The following FAT1 variants were observed in gnomAD, a reference collection of about 807,000 sequenced individuals.
FAT1 encodes the protein FAT atypical cadherin 1, also known as protocadherin Fat 1.
FAT1 carries 171 observed loss-of-function variants against 329.8 expected under a neutral mutation model. The ratio of observed to expected loss-of-function variants is 0.52; its 90% CI spans 0.46 to 0.59. The LOEUF is 0.59. FAT1 is among the 20% of genes least tolerant of loss of function. FAT1 has a pLI of 0.00. For synonymous variants in FAT1, 2,233 were observed against 2,228.6 expected, an observed-to-expected ratio of 1.00 and a Z score of -0.06; for missense variants, 5,672 against 5,774.4, an observed-to-expected ratio of 0.98 and a Z score of 0.57.
rs1740802220 is a variant in FAT1 at position 186,636,083 on chromosome 4, G to A, written c.4125C>T (p.His1375=). 1 of 1,614,008 alleles carries A rather than the reference G, an allele frequency of 6.2e-7. No individual in the cohort carries two copies. The highest frequency in any genetic ancestry group is 8.5e-7 in the Non-Finnish European group (1 of 1,179,900). Residue 1375 remains histidine (H), a synonymous_variant, in exon 6 of 27, where the codon CAC becomes CAT. Transcript: ENST00000441802. ...FTVMESDPVA[H]MIGVISVEPP... Reference sequence around the variant, plus strand: ...GCTCCACAGATATTACTCCAATCATGTGAGCAACGGGGTCACTTTCCATCA... The same window carrying A: ...GCTCCACAGATATTACTCCAATCATATGAGCAACGGGGTCACTTTCCATCA...
intron 3 of FAT1, among the ~76,000 whole-genome samples, chr4:186,658,997 G>C (rs1211612201): frequency 6.6e-6 from 1 of 152,226 alleles, no homozygotes; most frequent in African/African-American, 2.4e-5. Flanking sequence ...GCATAACGAC[G>C]TGTCAGTTAA....
intron 2 of FAT1, among the ~76,000 whole-genome samples, chr4:186,674,593 A>G (rs575722337): frequency 6.6e-6 from 1 of 152,364 alleles, no homozygotes; most frequent in East Asian, 1.9e-4. Flanking sequence ...TATAACAACT[A>G]AAGGAAGGCC....
intron 3 of FAT1, among the ~76,000 whole-genome samples, chr4:186,640,912 C>G (rs982424052): frequency 7.2e-5 from 11 of 152,216 alleles, no homozygotes; most frequent in Non-Finnish European, 1.6e-4. Flanking sequence ...CCAGGTGGAG[C>G]CTGTGTGGCA....
chr4:186,636,785 C>T lies in FAT1; in HGVS notation c.3772G>A (p.Glu1258Lys), dbSNP rs2126564351. 4 of 1,613,928 alleles carry T rather than the reference C, an allele frequency of 2.5e-6. No individual in the cohort carries two copies. The highest frequency in any genetic ancestry group is 3.4e-6 in the Non-Finnish European group (4 of 1,179,886). Reference protein sequence around the residue: ...KFYKIRLPEREKPDRERNARR... With the variant: ...KFYKIRLPERKKPDRERNARR... Reference sequence around the variant, plus strand: ...GCATTTCTTTCTCGGTCTGGCTTTTCCCGCTCAGGGAGTCTGATTTTGTAG... The same window carrying T: ...GCATTTCTTTCTCGGTCTGGCTTTTTCCGCTCAGGGAGTCTGATTTTGTAG... Residue 1258 changes from glutamate to lysine, a missense_variant, in exon 5 of 27, where the codon GAA (glutamate) becomes AAA (lysine). By Grantham distance (56) the Glu-to-Lys change is moderately conservative. Coordinates refer to ENST00000441802, the MANE Select transcript of FAT1 (RefSeq NM_005245.4).
chr4:186,610,654 A>AATATTAATTTATATAATTT (rs1560931729), intron 14 of FAT1, among the ~76,000 whole-genome samples: 7 of 89,184 alleles, frequency 7.8e-5, no homozygotes, highest in Non-Finnish European at 1.5e-4. Flanking sequence ...AATTTATATA[A>AATATTAATTTATATAATTT]ATATAAATTA....
chr4:186,673,148 T>C (rs1308061040), intron 2 of FAT1, among the ~76,000 whole-genome samples: 2 of 152,200 alleles, frequency 1.3e-5, no homozygotes, highest in Non-Finnish European at 2.9e-5. Flanking sequence ...TACACAATTA[T>C]ATGTGCAGAG....
At chr4:186,648,976 A>T (rs770792736) in intron 3 of FAT1, among the ~76,000 whole-genome samples, 17 of 152,202 alleles carry the variant, frequency 1.1e-4, no homozygotes, top group Non-Finnish European at 1.9e-4. Flanking sequence ...TCTGGAACAA[A>T]GCATATTATC....
At chr4:186,705,126 G>C (rs1160698700) in intron 2 of FAT1, among the ~76,000 whole-genome samples, 1 of 85,388 alleles carries the variant, frequency 1.2e-5, no homozygotes, top group East Asian at 3.3e-4. Flanking sequence ...TTTTTTTTTT[G>C]GTAGGAACGA....
chr4:186,625,942 C>A (rs1488634917), intron 9 of FAT1, among the ~76,000 whole-genome samples: 1 of 152,104 alleles, frequency 6.6e-6, no homozygotes, highest in Non-Finnish European at 1.5e-5. Context: ...GCTTCACCAG[C>A]CCACAGAATG....
Position 186,707,059 on chromosome 4 carries a change from G to A in FAT1, c.2769C>T (p.Asn923=), listed in dbSNP as rs2126685218. The A allele has an allele frequency of 6.2e-7, 1 of 1,613,954 alleles. No individual in the cohort carries two copies. Among genetic ancestry groups the A allele is most frequent in the Non-Finnish European group, 8.5e-7 (1 of 1,179,882 alleles). Reference sequence around the variant, plus strand: ...AATTAGGTGGAATAAATGTAGGTGGGTTGTCATTAACATCTTCTAGTGATA... The same window carrying A: ...AATTAGGTGGAATAAATGTAGGTGGATTGTCATTAACATCTTCTAGTGATA... The part of the protein sequence containing the change: ...VKVSLEDVND[N]PPTFIPPNYR... Residue 923 remains asparagine, a synonymous_variant, in exon 2 of 27, where the codon AAC becomes AAT. Transcript: ENST00000441802.
intron 3 of FAT1, among the ~76,000 whole-genome samples, chr4:186,653,880 C>A (rs967845541): frequency 6.6e-6 from 1 of 152,064 alleles, no homozygotes; most frequent in Admixed American, 6.6e-5. Flanking sequence ...GTTTGATGAC[C>A]CCTGCGGTAC....
intron 2 of FAT1, among the ~76,000 whole-genome samples, chr4:186,702,126 T>G (rs952402058): frequency 2.6e-5 from 4 of 152,186 alleles, no homozygotes; most frequent in African/African-American, 9.7e-5. Flanking sequence ...TCCACACAGG[T>G]GACACAGGGA....
chr4:186,708,246 C>T lies in FAT1; in HGVS notation c.1582G>A (p.Glu528Lys), dbSNP rs1018407179. ...AGAGTATAAACCCGAGGCATCAGTT[C>T]GTAGTCCAGGTTTTCTGACGTACTC... ...AVSTSENLDY[E>K]LMPRVYTLRI... Residue 528 changes from glutamate to lysine, a missense_variant, in exon 2 of 27, where the codon GAA (glutamate) becomes AAA (lysine). Transcript: ENST00000441802. 3 of 1,613,988 alleles carry T rather than the reference C, an allele frequency of 1.9e-6. No homozygotes were observed. The highest frequency in any genetic ancestry group is 2.2e-5 in the South Asian group (2 of 91,074).
At position 186,646,004 on chromosome 4, in the gene FAT1, C is replaced by CACACACAT. The variant is rs1491403367; in HGVS notation, c.3581-6222_3581-6221insATGTGTGT. 1.9e-3 allele frequency among the ~76,000 whole-genome samples: 261 copies of CACACACAT among 134,986 alleles called. 2 individuals carry two copies. Among genetic ancestry groups the CACACACAT allele is most frequent in the African/African-American group, 6.1e-3 (216 of 35,566 alleles). The allele number at this position is 134,986 out of a possible 152,430, so 88.6% of individuals were successfully genotyped here. On this transcript the variant is annotated intron_variant, in intron 3 of 26. Coordinates refer to ENST00000441802, the MANE Select transcript of FAT1 (RefSeq NM_005245.4). ...ACACACACACACACACACACACACACATGAAAGATGGCAGCTAGAAAAGGA... is the reference window on the plus strand; with the variant it reads ...ACACACACACACACACACACACACACACACACATATGAAAGATGGCAGCTAGAAAAGGA...
rs2126517584 is a variant in FAT1, at chr4:186,620,634, G to A, written c.5952C>T (p.Tyr1984=). 1 of 1,613,996 alleles carries A rather than the reference G, an allele frequency of 6.2e-7. No individual in the cohort carries two copies. Residue 1984 remains tyrosine, a synonymous_variant, in exon 10 of 27, where the codon TAC becomes TAT. Transcript: ENST00000441802. The part of the protein sequence containing the change: ...ESHLKFTQDV[Y]SAVVKENSTE... The stretch of plus-strand genomic sequence containing the variant: ...TGGAATTCTCTTTCACTACCGCAGA[G>A]TAGACATCCTGGGTAAACTTTAGGT...
chr4:186,702,417 C>T (rs569918848), intron 2 of FAT1, among the ~76,000 whole-genome samples: 2 of 152,280 alleles, frequency 1.3e-5, no homozygotes, highest in African/African-American at 2.4e-5. Flanking sequence ...AGGGGAAACA[C>T]TCGTCCTGGG....
rs1348864744 is a variant in FAT1, at chr4:186,618,978, G to A, written c.7608C>T (p.Ala2536=). The A allele has an allele frequency of 1.2e-6, 2 of 1,613,754 alleles. No individual in the cohort carries two copies. Among genetic ancestry groups the A allele is most frequent in the Non-Finnish European group, 1.7e-6 (2 of 1,179,876 alleles). Residue 2536 remains alanine (A), a synonymous_variant, in exon 10 of 27, where the codon GCC becomes GCT. Transcript: ENST00000441802. The part of the protein sequence containing the change: ...HVTYHIVNDF[A]KDRFYINERG... ...TCTCATTTATGTAAAATCTGTCTTT[G>A]GCAAAGTCATTTACAATATGGTAAG...
intron 1 of FAT1, among the ~76,000 whole-genome samples, chr4:186,712,570 G>C (rs1486215990): frequency 6.6e-6 from 1 of 152,208 alleles, no homozygotes; most frequent in African/African-American, 2.4e-5. Flanking sequence ...AGTAAACAGA[G>C]TATATCCGAT....
At chr4:186,626,733 T>C (rs1183547189) in intron 9 of FAT1, among the ~76,000 whole-genome samples, 2 of 145,834 alleles carry the variant, frequency 1.4e-5, no homozygotes, top group East Asian at 4.1e-4. Flanking sequence ...AATGAATGAA[T>C]GAATGAGGGA....
Sources: allele counts gnomAD v4.1 joint callset (sites outside exome capture counted in the v4.1 genomes callset), GRCh38; gene constraint gnomAD v4.1.1; transcripts MANE v1.5; gene names NCBI Gene and HGNC (gene_info 2026-07-23, HGNC 2026-07-21).